ZNF383: variants seen among roughly 807,000 people sequenced by gnomAD.
ZNF383 encodes the protein zinc finger protein 383.
A neutral mutation model predicts 44.2 loss-of-function variants in ZNF383; 32 were observed. The observed-to-expected ratio is 0.72, with a 90% confidence interval of 0.55 to 0.97. ZNF383 has a LOEUF of 0.97. Among genes scored for constraint, ZNF383 ranks in the 50% least tolerant of loss-of-function variants. The pLI, the probability that ZNF383 is intolerant of heterozygous loss-of-function variation, is 0.00. For synonymous variants in ZNF383, 155 were observed against 186.2 expected (o/e 0.83, Z 1.36); for missense variants, 487 against 562.5 (o/e 0.87, Z 1.36).
intron 5 of ZNF383, among the ~76,000 whole-genome samples, chr19:37,236,332 AC>A (rs776771406): frequency 1.3e-4 from 19 of 151,160 alleles, no homozygotes; most frequent in Non-Finnish European, 2.2e-4. Context: ...TCTAAAAAAA[AC>A]CCTATTTTAC....
intron 1 of ZNF383, among the ~76,000 whole-genome samples, chr19:37,223,804 C>A (rs1973033810): frequency 6.6e-6 from 1 of 152,004 alleles, no homozygotes; most frequent in African/African-American, 2.4e-5. Context: ...GAGGCCCAGG[C>A]TGGTGGATCA....
chr19:37,234,456 T>G (rs2145513057), intron 3 of ZNF383, among the ~76,000 whole-genome samples: 1 of 152,278 alleles, frequency 6.6e-6, no homozygotes, highest in African/African-American at 2.4e-5. Flanking sequence ...TGGCGCGATC[T>G]CGGCTCAGTG....
chr19:37,237,228 G>C (rs1381336962), intron 5 of ZNF383, among the ~76,000 whole-genome samples: 1 of 152,132 alleles, frequency 6.6e-6, no homozygotes, highest in East Asian at 1.9e-4. Context: ...CCACAAAGTA[G>C]AGTAGTATAA....
chr19:37,233,061 C>A (rs773748951), intron 3 of ZNF383, among the ~76,000 whole-genome samples: 1 of 152,094 alleles, frequency 6.6e-6, no homozygotes, highest in African/African-American at 2.4e-5. Flanking sequence ...CACTTGCATA[C>A]AGTCCCCTCT....
intron 1 of ZNF383, among the ~76,000 whole-genome samples, chr19:37,222,528 C>G (rs1972973292): frequency 6.6e-6 from 1 of 152,112 alleles, no homozygotes; most frequent in Admixed American, 6.6e-5. Context: ...AGGCGCACGC[C>G]ACCACACCCA....
chr19:37,240,032 G>A (rs1177492778), intron 5 of ZNF383, among the ~76,000 whole-genome samples: 1 of 152,046 alleles, frequency 6.6e-6, no homozygotes, highest in Non-Finnish European at 1.5e-5. Context: ...GGTGGTGCAC[G>A]CCTGTAGTCC....
At chr19:37,231,760 A>G (rs979120021) in intron 3 of ZNF383, among the ~76,000 whole-genome samples, 2 of 152,164 alleles carry the variant, frequency 1.3e-5, no homozygotes, top group African/African-American at 4.8e-5. Flanking sequence ...GCATAGGACG[A>G]GCAAAAGGGG....
intron 2 of ZNF383, among the ~76,000 whole-genome samples, chr19:37,228,254 G>T (rs1199623493): frequency 6.6e-6 from 1 of 152,094 alleles, no homozygotes; most frequent in Non-Finnish European, 1.5e-5. Context: ...CAGAGGGCTC[G>T]CATTTTTGTT....
chr19:37,232,078 T>C (rs561154375), intron 3 of ZNF383, among the ~76,000 whole-genome samples: 1 of 151,984 alleles, frequency 6.6e-6, no homozygotes, highest in African/African-American at 2.4e-5. Flanking sequence ...AAAAGGTTTT[T>C]TTGTTTTTTT....
At chr19:37,219,595 A>C (rs758469172) in intron 1 of ZNF383, 7 of 152,532 alleles carry the variant, frequency 4.6e-5, no homozygotes, top group African/African-American at 1.7e-4. Flanking sequence ...TCTTCTCTCC[A>C]TAGATAGTAG....
chr19:37,247,642 T>G lies in ZNF383; in HGVS notation c.*3978T>G, dbSNP rs1445208257. On this transcript the variant is annotated 3_prime_UTR_variant, in exon 6 of 6. Transcript: ENST00000684119. ...GAGTTCAAGACCAGTCTAGGTAACA[T>G]AATGAGATCCCCCTCCCCTCATCTC... The G allele has an allele frequency of 2.0e-5, 3 of 148,146 alleles. No individual in the cohort carries two copies. Among genetic ancestry groups the G allele is most frequent in the African/African-American group, 7.5e-5 (3 of 40,196 alleles). The allele number at this position is 148,146 out of a possible 1,614,324, so 9.2% of individuals were successfully genotyped here.
chr19:37,225,649 C>T (rs1973124886), intron 2 of ZNF383, among the ~76,000 whole-genome samples: 1 of 151,886 alleles, frequency 6.6e-6, no homozygotes, highest in South Asian at 2.1e-4. Flanking sequence ...CACAATACCC[C>T]AAGATAGAAA....
At chr19:37,223,970 G>T (rs1002175419) in intron 1 of ZNF383, among the ~76,000 whole-genome samples, 5 of 152,036 alleles carry the variant, frequency 3.3e-5, no homozygotes, top group African/African-American at 1.2e-4. Context: ...GGAGGCAGAG[G>T]TTGCAGTGAG....
chr19:37,240,916 TC>T (rs892812689), intron 5 of ZNF383, among the ~76,000 whole-genome samples: 37 of 152,126 alleles, frequency 2.4e-4, no homozygotes, highest in Admixed American at 2.6e-4. Context: ...AAGCAGTTCT[TC>T]TGCCTCAGCC....
intron 3 of ZNF383, among the ~76,000 whole-genome samples, chr19:37,232,513 A>G (rs1051473153): frequency 3.9e-5 from 6 of 152,228 alleles, no homozygotes; most frequent in African/African-American, 1.4e-4. Context: ...GTCATGATGC[A>G]TAATTTTATT....
intron 2 of ZNF383, among the ~76,000 whole-genome samples, chr19:37,225,667 C>A (rs1973125619): frequency 6.6e-6 from 1 of 151,994 alleles, no homozygotes; most frequent in Non-Finnish European, 1.5e-5. Context: ...AAAGGGGATT[C>A]ACTGCAGTTA....
At position 37,243,661 on chromosome 19, in the gene ZNF383, A is replaced by C; in HGVS notation, c.1425A>C (p.Lys475Asn). The part of the protein sequence containing the change: ...LIRHQGIHTN[K>N] Reference sequence around the variant, plus strand: ...GTCATCAGGGAATTCATACTAATAAATAATAAAAATTAAAGCCCCTGTCAC... The same window carrying C: ...GTCATCAGGGAATTCATACTAATAACTAATAAAAATTAAAGCCCCTGTCAC... The change falls in exon 6 of 6, where the codon AAA becomes AAC. Residue 475 changes from lysine to asparagine, a missense_variant. Lys to Asn is a moderately conservative substitution (Grantham distance 94). Coordinates refer to ENST00000684119, the MANE Select transcript of ZNF383 (RefSeq NM_001387601.1). 1 of 1,499,616 alleles carries C rather than the reference A, an allele frequency of 6.7e-7. No homozygotes were observed. Among genetic ancestry groups the C allele is most frequent in the South Asian group, 1.4e-5 (1 of 69,702 alleles). 92.9% of individuals were successfully genotyped at this position (1,499,616 alleles called of 1,614,324 possible).
At chr19:37,222,282 A>T (rs1449355721) in intron 1 of ZNF383, among the ~76,000 whole-genome samples, 1 of 152,194 alleles carries the variant, frequency 6.6e-6, no homozygotes, top group Non-Finnish European at 1.5e-5. Context: ...TAAATATATA[A>T]AATTCATCCA....
At position 37,238,341 on chromosome 19, in the gene ZNF383, A is replaced by G. The variant is rs191016640; in HGVS notation, c.232+2267A>G. On this transcript the variant is annotated intron_variant, in intron 5 of 5. Coordinates refer to ENST00000684119, the MANE Select transcript of ZNF383 (RefSeq NM_001387601.1). Reference sequence around the variant, plus strand: ...TTATATATCACTTACATTTATCTACATGTAACTAATATATTGGTATAGTAT... The same window carrying G: ...TTATATATCACTTACATTTATCTACGTGTAACTAATATATTGGTATAGTAT... Among the ~76,000 whole-genome samples, 93 of 150,328 alleles carry G rather than the reference A, an allele frequency of 6.2e-4. No homozygotes were observed. In the Middle Eastern group the frequency reaches 0.014, roughly 23 times the overall value.
Sources: gnomAD v4.1 joint callset for allele counts (sites outside exome capture counted in the v4.1 genomes callset) on GRCh38, gnomAD v4.1.1 for gene constraint, MANE v1.5 for transcripts, NCBI Gene and HGNC (gene_info 2026-07-23, HGNC 2026-07-21) for gene names.